Variants in FOXJ3 observed in about 807,000 individuals in gnomAD.
The protein encoded by FOXJ3 is forkhead box J3, also known as forkhead box protein J3.
FOXJ3 carries 22 observed loss-of-function variants against 76.1 expected under a neutral mutation model. The observed-to-expected ratio is 0.29, with a 90% CI of 0.21 to 0.41. The LOEUF is 0.41. Among genes scored for constraint, FOXJ3 ranks in the 10% least tolerant of loss-of-function variants. The pLI, the probability that FOXJ3 is intolerant of heterozygous loss-of-function variation, is 1.00. For synonymous variants in FOXJ3, 269 were observed against 261.2 expected (o/e 1.03, Z -0.29); for missense variants, 613 against 762.1 (o/e 0.80, Z 2.30).
intron 2 of FOXJ3, among the ~76,000 whole-genome samples, chr1:42,303,912 G>A (rs919381782): frequency 6.6e-6 from 1 of 152,116 alleles, no homozygotes; most frequent in Non-Finnish European, 1.5e-5. Flanking sequence ...ATTAACGGAA[G>A]TCCTAGCTCA....
At chr1:42,306,258 G>A (rs1654455911) in intron 2 of FOXJ3, among the ~76,000 whole-genome samples, 1 of 138,078 alleles carries the variant, frequency 7.2e-6, no homozygotes, top group East Asian at 2.2e-4. Context: ...AGATTGTACT[G>A]TTTAACAGAA....
intron 4 of FOXJ3, among the ~76,000 whole-genome samples, chr1:42,231,337 C>A (rs1240187358): frequency 1.3e-5 from 2 of 151,730 alleles, no homozygotes; most frequent in Non-Finnish European, 2.9e-5. Flanking sequence ...AAAAAAGAAA[C>A]CAAACAAACA....
chr1:42,271,062 G>C (rs1048168233), intron 3 of FOXJ3, among the ~76,000 whole-genome samples: 2 of 152,210 alleles, frequency 1.3e-5, no homozygotes, highest in African/African-American at 4.8e-5. Context: ...TTCTTTCCTA[G>C]GGGTTTTTTG....
intron 3 of FOXJ3, among the ~76,000 whole-genome samples, chr1:42,270,458 A>G (rs1371330814): frequency 6.6e-6 from 1 of 152,172 alleles, no homozygotes; most frequent in Non-Finnish European, 1.5e-5. Context: ...TGGAAAAAAA[A>G]TACCTAACAC....
chr1:42,223,703 T>C (rs918088719), intron 5 of FOXJ3, among the ~76,000 whole-genome samples: 2 of 152,242 alleles, frequency 1.3e-5, no homozygotes, highest in African/African-American at 4.8e-5. Context: ...CTGTCATTTA[T>C]AATCACATTT....
intron 3 of FOXJ3, among the ~76,000 whole-genome samples, chr1:42,274,619 A>G (rs980855487): frequency 2.0e-5 from 3 of 152,200 alleles, no homozygotes; most frequent in Admixed American, 1.3e-4. Context: ...TACCTACTTC[A>G]TAAGGCTATT....
At position 42,176,739 on chromosome 1, in the gene FOXJ3, C is replaced by A. The variant is rs1006992069; in HGVS notation, c.*2971G>T. The A allele has an allele frequency of 6.6e-6, 1 of 152,546 alleles. No homozygotes were observed. Among genetic ancestry groups the A allele is most frequent in the East Asian group, 1.9e-4 (1 of 5,200 alleles). 9.4% of individuals were successfully genotyped at this position (152,546 alleles called of 1,614,324 possible). On this transcript the variant is annotated 3_prime_UTR_variant, in exon 13 of 13. Coordinates refer to ENST00000361346, the MANE Select transcript of FOXJ3 (RefSeq NM_014947.5). ...GTAGAAACATTAAAACACTGACTGTCCAACAGCAGTACAGAGAGCAGGTTG... is the reference window on the plus strand; with the variant it reads ...GTAGAAACATTAAAACACTGACTGTACAACAGCAGTACAGAGAGCAGGTTG...
intron 1 of FOXJ3, among the ~76,000 whole-genome samples, chr1:42,330,387 T>C (rs777340609): frequency 3.3e-5 from 5 of 152,152 alleles, no homozygotes; most frequent in Admixed American, 2.6e-4. Context: ...CCTGTAATCC[T>C]AGCGCTTTGG....
At chr1:42,184,546 A>G (rs1328439896) in intron 11 of FOXJ3, among the ~76,000 whole-genome samples, 1 of 152,100 alleles carries the variant, frequency 6.6e-6, no homozygotes, top group Non-Finnish European at 1.5e-5. Flanking sequence ...TTAACTTCCA[A>G]TGCAGTTTCC....
At chr1:42,201,504 C>T (rs1646764465) in intron 6 of FOXJ3, among the ~76,000 whole-genome samples, 2 of 152,194 alleles carry the variant, frequency 1.3e-5, no homozygotes, top group South Asian at 4.1e-4. Context: ...ACATGTAGCA[C>T]TTCCAACTAT....
At chr1:42,331,837 A>T (rs1175211211) in intron 1 of FOXJ3, among the ~76,000 whole-genome samples, 2 of 152,224 alleles carry the variant, frequency 1.3e-5, no homozygotes, top group African/African-American at 2.4e-5. Context: ...TTTAAAAAAA[A>T]AAAAGAATAA....
intron 4 of FOXJ3, among the ~76,000 whole-genome samples, chr1:42,256,421 A>G (rs1039577002): frequency 2.0e-5 from 3 of 152,260 alleles, no homozygotes; most frequent in African/African-American, 7.2e-5. Flanking sequence ...AAGAATTTTA[A>G]AAGAACTTTC....
chr1:42,211,122 G>A (rs919962355), intron 5 of FOXJ3, among the ~76,000 whole-genome samples: 7 of 152,168 alleles, frequency 4.6e-5, no homozygotes, highest in Admixed American at 6.5e-5. Context: ...CCTGGTGCTC[G>A]TGAAGGGTCT....
Position 42,320,211 on chromosome 1 carries a change from G to A in FOXJ3, c.-17-9101C>T, listed in dbSNP as rs144983343. Among the ~76,000 whole-genome samples the A allele has an allele frequency of 5.4e-3, 828 of 152,218 alleles. 5 individuals are homozygous for A. The highest frequency in any genetic ancestry group is 8.1e-3 in the Non-Finnish European group (550 of 68,010). On this transcript the variant is annotated intron_variant, in intron 1 of 12. Transcript: ENST00000361346. Reference sequence around the variant, plus strand: ...AGTGTCAATAAAAGAGGTGGTGAGCGTGGGGGAGGGGGGGCTTCCTGGCCA... The same window carrying A: ...AGTGTCAATAAAAGAGGTGGTGAGCATGGGGGAGGGGGGGCTTCCTGGCCA...
chr1:42,233,626 A>T (rs1371675602), intron 4 of FOXJ3, among the ~76,000 whole-genome samples: 1 of 74,272 alleles, frequency 1.3e-5, no homozygotes, highest in Non-Finnish European at 3.0e-5. Flanking sequence ...AATGCTTGTG[A>T]TTTTTGTACA....
At chr1:42,255,697 A>T (rs891743593) in intron 4 of FOXJ3, among the ~76,000 whole-genome samples, 2 of 152,240 alleles carry the variant, frequency 1.3e-5, no homozygotes, top group African/African-American at 2.4e-5. Flanking sequence ...AATTAGTATC[A>T]GACAAAGTAG....
intron 4 of FOXJ3, among the ~76,000 whole-genome samples, chr1:42,256,021 C>CA (rs1223251311): frequency 5.3e-5 from 8 of 151,526 alleles, no homozygotes; most frequent in Non-Finnish European, 4.4e-5. Context: ...GACTTCGTCT[C>CA]AAAAAAAAGA....
At chr1:42,301,606 A>G (rs187034271) in intron 2 of FOXJ3, among the ~76,000 whole-genome samples, 1 of 152,092 alleles carries the variant, frequency 6.6e-6, no homozygotes. Flanking sequence ...CTTTCTCTAG[A>G]CTAGTATTAA....
intron 12 of FOXJ3, among the ~76,000 whole-genome samples, chr1:42,180,576 C>T (rs765134292): frequency 6.6e-6 from 1 of 152,032 alleles, no homozygotes; most frequent in Non-Finnish European, 1.5e-5. Context: ...GGAAGTTTTA[C>T]TGGATTTTTT....
Sources: gnomAD v4.1 joint callset for allele counts (sites outside exome capture counted in the v4.1 genomes callset) on GRCh38, gnomAD v4.1.1 for gene constraint, MANE v1.5 for transcripts, NCBI Gene and HGNC (gene_info 2026-07-23, HGNC 2026-07-21) for gene names.